AGAP1: variants seen among roughly 807,000 people sequenced by gnomAD.
AGAP1 encodes the protein arf-GAP with GTPase, ANK repeat and PH domain-containing protein 1.
In AGAP1, 29 loss-of-function variants were observed where a neutral mutation model predicts 105.3. The ratio of observed to expected loss-of-function variants is 0.28; its 90% confidence interval spans 0.21 to 0.38. The LOEUF is 0.38. Ranked by LOEUF, AGAP1 falls within the 10% of genes least tolerant of loss-of-function variation. The pLI is 1.00. For synonymous variants in AGAP1, 509 were observed against 485.9 expected, an observed-to-expected ratio of 1.05 and a Z score of -0.63; for missense variants, 998 against 1,165.1, an observed-to-expected ratio of 0.86 and a Z score of 2.09.
intron 1 of AGAP1, among the ~76,000 whole-genome samples, chr2:235,546,955 T>TCCAC (rs1943642323): frequency 6.6e-6 from 1 of 152,222 alleles, no homozygotes; most frequent in Non-Finnish European, 1.5e-5. Context: ...TATTCAGCTC[T>TCCAC]CCACCCGTAG....
In AGAP1 at chr2:235,867,164, A is replaced by C. The variant is rs547905966; in HGVS notation, c.1051-16181A>C. Among the ~76,000 whole-genome samples the C allele has an allele frequency of 6.6e-6, 1 of 152,288 alleles. No individual in the cohort carries two copies. The highest frequency in any genetic ancestry group is 2.4e-5 in the African/African-American group (1 of 41,560). ...TCAGGGGAAAAGAATTGAATTTGCC[A>C]ATTTACATTAAAGTTTCTGGCCTCT... On this transcript the variant is annotated intron_variant, in intron 9 of 17. Transcript: ENST00000304032. This position sits in a 1 kb window ranked among gnomAD's most constrained non-coding sequence, Gnocchi z 5.4.
rs1958964817 is a variant in AGAP1 at position 235,824,531 on chromosome 2, T to C, written c.1050+17200T>C. Among the ~76,000 whole-genome samples, 1 of 152,240 alleles carries C rather than the reference T, an allele frequency of 6.6e-6. No homozygotes were observed. ...GTGTGTGTTAGGACCATCATTGAGA[T>C]GCTTATTGCAGGAGAAATTAAAGAT... On this transcript the variant is annotated intron_variant, in intron 9 of 17. Transcript: ENST00000304032. This position sits in a 1 kb window ranked among gnomAD's most constrained non-coding sequence, Gnocchi z 5.2.
In AGAP1 at chr2:235,662,272, C is replaced by A. The variant is rs896058232; in HGVS notation, c.164-46907C>A. 6.6e-6 allele frequency among the ~76,000 whole-genome samples: 1 copy of A among 152,144 alleles called. No homozygotes were observed. Among genetic ancestry groups the A allele is most frequent in the Non-Finnish European group, 1.5e-5 (1 of 68,026 alleles). The stretch of plus-strand genomic sequence containing the variant: ...CAGGTAGTCACATCTTAACTTGTGG[C>A]GCGGCTTTAGAGAGTGTCTGTGCAG... On this transcript the variant is annotated intron_variant, in intron 1 of 17. Coordinates refer to ENST00000304032, the MANE Select transcript of AGAP1 (RefSeq NM_001037131.3). The surrounding 1 kb of genome is among the most constrained non-coding windows in gnomAD (Gnocchi z 4.2).
At chr2:235,835,244 C>T (rs1213421989) in intron 9 of AGAP1, among the ~76,000 whole-genome samples, 6 of 152,178 alleles carry the variant, frequency 3.9e-5, no homozygotes, top group Admixed American at 6.5e-5. Flanking sequence ...CTCCCCATGG[C>T]CTGCACCAAA....
chr2:235,617,765 T>C (rs1946353578), intron 1 of AGAP1, among the ~76,000 whole-genome samples: 1 of 152,180 alleles, frequency 6.6e-6, no homozygotes, highest in Admixed American at 6.6e-5. Flanking sequence ...GGCTAATAGT[T>C]TGGATAGAAA....
At chr2:235,791,421 T>C (rs1337871690) in intron 6 of AGAP1, among the ~76,000 whole-genome samples, 3 of 152,174 alleles carry the variant, frequency 2.0e-5, no homozygotes, top group Non-Finnish European at 4.4e-5. Context: ...TTTCTTTTCT[T>C]TTCTTTTTTT....
In AGAP1 at chr2:235,569,221, A is replaced by G. The variant is rs1944441441; in HGVS notation, c.163+74372A>G. Among the ~76,000 whole-genome samples the G allele has an allele frequency of 6.6e-6, 1 of 152,188 alleles. No individual in the cohort carries two copies. ...TCCCAGCTACTTGGGAGGCTGAGGC[A>G]GGAGAATCGCTTGAACCCAGGAGGC... On this transcript the variant is annotated intron_variant, in intron 1 of 17. Transcript: ENST00000304032. The surrounding 1 kb of genome is among the most constrained non-coding windows in gnomAD (Gnocchi z 5.9).
chr2:236,074,742 A>G (rs2058591788), intron 16 of AGAP1, among the ~76,000 whole-genome samples: 1 of 152,208 alleles, frequency 6.6e-6, no homozygotes, highest in African/African-American at 2.4e-5. Flanking sequence ...TAGAATTAAC[A>G]TAAAGGTTGA....
At chr2:235,782,320 T>G (rs555456936) in intron 6 of AGAP1, among the ~76,000 whole-genome samples, 1 of 152,238 alleles carries the variant, frequency 6.6e-6, no homozygotes, top group Non-Finnish European at 1.5e-5. Context: ...GGTAATGTCT[T>G]TACCATCTTT....
intron 6 of AGAP1, among the ~76,000 whole-genome samples, chr2:235,764,643 ATGGGGGCACCTGGGAGCGCCCGTGGGG>A (rs1241958997): frequency 6.8e-6 from 1 of 147,738 alleles, no homozygotes; most frequent in African/African-American, 2.5e-5. Flanking sequence ...CCCACCCCTG[ATGGGGGCACCTGGGAGCGCCCGTGGGG>A]TGGGGGCATC....
rs1275813337 is a variant in AGAP1 at position 235,799,906 on chromosome 2, C to CTCT, written c.957+394_957+396dup. On this transcript the variant is annotated intron_variant, in intron 8 of 17. Transcript: ENST00000304032. This position sits in a 1 kb window ranked among gnomAD's most constrained non-coding sequence, Gnocchi z 5.0. ...TATAAGCTATTACTGTCCACAGGCC[C>CTCT]TCTTCTTCTTCTGCTGGGGTGCCTG... 1.6e-4 allele frequency among the ~76,000 whole-genome samples: 25 copies of CTCT among 151,934 alleles called. No homozygotes were observed. Among genetic ancestry groups the CTCT allele is most frequent in the Non-Finnish European group, 2.8e-4 (19 of 68,010 alleles).
At chr2:236,030,666 C>T (rs754942841) in intron 13 of AGAP1, among the ~76,000 whole-genome samples, 12 of 152,166 alleles carry the variant, frequency 7.9e-5, no homozygotes, top group Non-Finnish European at 1.2e-4. Flanking sequence ...AAGGAGGGTC[C>T]TCTTGAGATC....
rs1337507703 is a variant in AGAP1, at chr2:235,553,979, G to A, written c.163+59130G>A. On this transcript the variant is annotated intron_variant, in intron 1 of 17. Coordinates refer to ENST00000304032, the MANE Select transcript of AGAP1 (RefSeq NM_001037131.3). The surrounding 1 kb of genome is among the most constrained non-coding windows in gnomAD (Gnocchi z 4.5). ...AGCCCTCCTGGACCCCTTACTGGGT[G>A]GACAAAGGTTTTCTGTGTGACTCAC... Among the ~76,000 whole-genome samples the A allele has an allele frequency of 6.6e-6, 1 of 152,194 alleles. No individual in the cohort carries two copies. The highest frequency in any genetic ancestry group is 2.4e-5 in the African/African-American group (1 of 41,440).
intron 16 of AGAP1, among the ~76,000 whole-genome samples, chr2:236,111,287 T>G (rs1277681923): frequency 1.4e-4 from 21 of 151,948 alleles, no homozygotes. Flanking sequence ...GCCCAGCTAC[T>G]CAGGAGGCTG....
At chr2:235,580,891 A>G (rs1000559801) in intron 1 of AGAP1, among the ~76,000 whole-genome samples, 1 of 151,864 alleles carries the variant, frequency 6.6e-6, no homozygotes, top group African/African-American at 2.4e-5. Context: ...TTAGGGTGTA[A>G]TGTGGCCCTG....
At chr2:235,890,619 A>C (rs1041006463) in intron 10 of AGAP1, among the ~76,000 whole-genome samples, 1 of 152,202 alleles carries the variant, frequency 6.6e-6, no homozygotes, top group African/African-American at 2.4e-5. Flanking sequence ...GAGCTGGAGC[A>C]CACCTGCATA....
chr2:235,548,990 G>A (rs975379085), intron 1 of AGAP1, among the ~76,000 whole-genome samples: 2 of 152,204 alleles, frequency 1.3e-5, no homozygotes, highest in Non-Finnish European at 2.9e-5. Flanking sequence ...GAGCGGACCT[G>A]CCCTGCTTTG....
chr2:235,521,338 C>T (rs1227687865), intron 1 of AGAP1, among the ~76,000 whole-genome samples: 1 of 152,152 alleles, frequency 6.6e-6, no homozygotes, highest in African/African-American at 2.4e-5. Context: ...AACTAGTTAA[C>T]ATATTTGTGT....
chr2:235,546,910 T>C (rs1002754254), intron 1 of AGAP1, among the ~76,000 whole-genome samples: 1 of 152,234 alleles, frequency 6.6e-6, no homozygotes, highest in Non-Finnish European at 1.5e-5. Flanking sequence ...AAAACCAGTT[T>C]GTGGAAGCTG....
Sources: allele counts gnomAD v4.1 joint callset (sites outside exome capture counted in the v4.1 genomes callset), GRCh38; gene constraint gnomAD v4.1.1; non-coding constraint Gnocchi (gnomAD v3.1); transcripts MANE v1.5; gene names NCBI Gene and HGNC (gene_info 2026-07-23, HGNC 2026-07-21).